The following SNTG1 variants were observed in gnomAD, a reference collection of about 807,000 sequenced individuals.
SNTG1 encodes the protein syntrophin gamma 1.
Under a neutral mutation model 74.7 loss-of-function variants are expected in SNTG1, and 39 were observed. The observed-to-expected ratio is 0.52, with a 90% confidence interval of 0.40 to 0.68. The LOEUF (loss-of-function observed/expected upper bound fraction) is 0.68, where lower values mean the gene tolerates loss of function less well. Among genes scored for constraint, SNTG1 ranks in the 30% least tolerant of loss-of-function variants. The probability of loss-of-function intolerance (pLI) is 0.00; values close to 1 mark genes in which losing one functional copy is unlikely to be tolerated. For synonymous variants in SNTG1, 254 were observed against 217.1 expected (o/e 1.17, Z -1.49); for missense variants, 685 against 609.5 (o/e 1.12, Z -1.30).
chr8:50,368,896 C>T (rs1224899961), intron 2 of SNTG1, among the ~76,000 whole-genome samples: 1 of 152,124 alleles, frequency 6.6e-6, no homozygotes, highest in Non-Finnish European at 1.5e-5. Flanking sequence ...TATGCCTCTC[C>T]CATTATTGTA....
At chr8:50,501,180 T>G (rs2093948865) in intron 8 of SNTG1, among the ~76,000 whole-genome samples, 1 of 152,058 alleles carries the variant, frequency 6.6e-6, no homozygotes, top group Non-Finnish European at 1.5e-5. Flanking sequence ...AGAGGTGGTA[T>G]GAGCCTATAT....
intron 1 of SNTG1, among the ~76,000 whole-genome samples, chr8:50,127,158 G>A (rs572150611): frequency 1.6e-4 from 25 of 152,190 alleles, no homozygotes; most frequent in Middle Eastern, 3.4e-3. Flanking sequence ...TGAGTGAAGG[G>A]GGAGGAGAAA....
At chr8:49,928,309 C>A (rs1048504177) in intron 1 of SNTG1, among the ~76,000 whole-genome samples, 1 of 151,672 alleles carries the variant, frequency 6.6e-6, no homozygotes, top group South Asian at 2.1e-4. Context: ...CCGCTCATTG[C>A]AACCTCTGCC....
chr8:50,221,752 G>A (rs9298286), intron 2 of SNTG1, among the ~76,000 whole-genome samples: 3,347 of 152,048 alleles, frequency 0.022, 137 homozygotes, highest in African/African-American at 0.072. Context: ...ATGTATAGTG[G>A]GCATATCAGG....
chr8:49,969,274 A>G (rs1047354104), intron 1 of SNTG1, among the ~76,000 whole-genome samples: 1 of 152,018 alleles, frequency 6.6e-6, no homozygotes, highest in Non-Finnish European at 1.5e-5. Context: ...AGAGGCATTA[A>G]TGCGAGGAAA....
chr8:50,565,170 A>G (rs1195777215), intron 12 of SNTG1, among the ~76,000 whole-genome samples: 1 of 151,990 alleles, frequency 6.6e-6, no homozygotes, highest in African/African-American at 2.4e-5. Context: ...CAAGACTGAC[A>G]ATGTCTTCAA....
intron 2 of SNTG1, among the ~76,000 whole-genome samples, chr8:50,376,255 C>T (rs2092377545): frequency 6.6e-6 from 1 of 152,114 alleles, no homozygotes; most frequent in Admixed American, 6.5e-5. Flanking sequence ...ACACATCCTC[C>T]ACTTCATATT....
intron 12 of SNTG1, among the ~76,000 whole-genome samples, chr8:50,564,966 C>T (rs1292429513): frequency 1.3e-5 from 2 of 151,920 alleles, no homozygotes; most frequent in Admixed American, 6.6e-5. Flanking sequence ...ACCTAACAAA[C>T]GCTACTGCAG....
At chr8:50,403,679 A>G (rs2092833991) in intron 4 of SNTG1, among the ~76,000 whole-genome samples, 1 of 152,228 alleles carries the variant, frequency 6.6e-6, no homozygotes, top group Non-Finnish European at 1.5e-5. Context: ...TAAAGCTCAG[A>G]GTGCTAGGAA....
At chr8:50,153,119 TC>T (rs1475897866) in intron 1 of SNTG1, among the ~76,000 whole-genome samples, 2 of 152,200 alleles carry the variant, frequency 1.3e-5, no homozygotes, top group Non-Finnish European at 2.9e-5. Context: ...TACTCTTTTT[TC>T]TCTAAACTTC....
chr8:50,351,793 A>C (rs1207804433), intron 2 of SNTG1, among the ~76,000 whole-genome samples: 1 of 152,212 alleles, frequency 6.6e-6, no homozygotes, highest in African/African-American at 2.4e-5. Context: ...TAATTGGCTG[A>C]TTAAGGAGAT....
intron 1 of SNTG1, among the ~76,000 whole-genome samples, chr8:50,068,021 CA>C (rs1292814108): frequency 6.6e-6 from 1 of 152,118 alleles, no homozygotes; most frequent in Non-Finnish European, 1.5e-5. Context: ...CAACAAAAAT[CA>C]GACAAAATAC....
At chr8:50,252,984 C>T (rs1196711984) in intron 2 of SNTG1, among the ~76,000 whole-genome samples, 1 of 152,126 alleles carries the variant, frequency 6.6e-6, no homozygotes, top group African/African-American at 2.4e-5. Flanking sequence ...AAGATACACC[C>T]TCAATCCAAG....
At chr8:50,304,927 A>G (rs7813238) in intron 2 of SNTG1, among the ~76,000 whole-genome samples, 9,188 of 150,506 alleles carry the variant, frequency 0.061, 314 homozygotes, top group South Asian at 0.076. Flanking sequence ...TGAGATGGAG[A>G]CTCACTCTCT....
At chr8:50,426,626 A>C (rs1182122389) in intron 4 of SNTG1, among the ~76,000 whole-genome samples, 5 of 151,916 alleles carry the variant, frequency 3.3e-5, no homozygotes, top group Non-Finnish European at 4.4e-5. Flanking sequence ...AATAGGCTAA[A>C]GTTAATTTAT....
At chr8:50,714,517 A>C in intron 17 of SNTG1, among the ~76,000 whole-genome samples, 1 of 152,120 alleles carries the variant, frequency 6.6e-6, no homozygotes, top group East Asian at 1.9e-4. Context: ...GCTACCCTTG[A>C]CTTTCTTCAC....
At chr8:50,289,791 G>T (rs2130540966) in intron 2 of SNTG1, among the ~76,000 whole-genome samples, 1 of 152,258 alleles carries the variant, frequency 6.6e-6, no homozygotes, top group Admixed American at 6.5e-5. Context: ...AGATGTGTTT[G>T]CTGGTGGTTA....
intron 1 of SNTG1, among the ~76,000 whole-genome samples, chr8:49,995,363 AG>A (rs1814105212): frequency 6.6e-6 from 1 of 152,224 alleles, no homozygotes; most frequent in South Asian, 2.1e-4. Flanking sequence ...AAAATAAATC[AG>A]GTGGCCAGAA....
intron 18 of SNTG1, among the ~76,000 whole-genome samples, chr8:50,771,023 T>C (rs2095625812): frequency 1.3e-5 from 2 of 152,104 alleles, no homozygotes; most frequent in Admixed American, 1.3e-4. Flanking sequence ...GTCTCAAGTA[T>C]GCTGTTATAG....
Sources: allele counts gnomAD v4.1 joint callset (sites outside exome capture counted in the v4.1 genomes callset), GRCh38; gene constraint gnomAD v4.1.1; transcripts MANE v1.5; gene names NCBI Gene and HGNC (gene_info 2026-07-23, HGNC 2026-07-21).